The following NSUN4 variants were observed in gnomAD, a reference collection of about 807,000 sequenced individuals.
NSUN4 encodes the protein NOP2/Sun RNA methyltransferase 4, also known as 5-cytosine rRNA methyltransferase NSUN4.
A neutral mutation model predicts 43.8 loss-of-function variants in NSUN4; 31 were observed. That is an observed-to-expected ratio of 0.71 (90% CI 0.53 to 0.96). NSUN4 has a LOEUF of 0.96. Among genes scored for constraint, NSUN4 ranks in the 40% least tolerant of loss-of-function variants. NSUN4 has a pLI of 0.00. For synonymous variants in NSUN4, 167 were observed against 184.1 expected, an observed-to-expected ratio of 0.91 and a Z score of 0.75; for missense variants, 439 against 475.6, an observed-to-expected ratio of 0.92 and a Z score of 0.72.
At position 46,351,659 on chromosome 1, in the gene NSUN4, CTTTTTTTTT is replaced by C. The variant is rs1190689943; in HGVS notation, c.593-1194_593-1186del. Among the ~76,000 whole-genome samples the C allele has an allele frequency of 9.0e-5, 8 of 88,874 alleles. No individual in the cohort carries two copies. The South Asian group carries it at 3.4e-3, about 38-fold the overall frequency. The allele number at this position is 88,874 out of a possible 152,430, so 58.3% of individuals were successfully genotyped here. ...TGGGCAACATAGTGAGACCCAGTCT[CTTTTTTTTT>C]TTTTTTTTTTTTTTGAGATGGAGCC... On this transcript the variant is annotated intron_variant, in intron 3 of 5. Coordinates refer to ENST00000474844, the MANE Select transcript of NSUN4 (RefSeq NM_199044.4).
the NSUN4 span, among the ~76,000 whole-genome samples, chr1:46,374,624 TAATAA>T: frequency 0.22 from 32,939 of 151,490 alleles, 4,080 homozygotes; most frequent in Non-Finnish European, 0.29. Flanking sequence ...AAATTAAAAA[TAATAA>T]AATAAAATAA....
At chr1:46,369,406 A>G (rs370448054), downstream of NSUN4, among the ~76,000 whole-genome samples, 255 of 152,334 alleles carry the variant, frequency 1.7e-3, 11 homozygotes, top group South Asian at 0.051. Context: ...TGAACAGAGC[A>G]GAAAAAAGTC....
the NSUN4 span, among the ~76,000 whole-genome samples, chr1:46,379,017 A>G: frequency 6.6e-6 from 1 of 152,192 alleles, no homozygotes; most frequent in Non-Finnish European, 1.5e-5. Flanking sequence ...AAAGATTTAC[A>G]TGGGTAGGGA....
rs1662309316 is a variant in NSUN4 at position 46,344,060 on chromosome 1, C to T, written c.94-741C>T. ...TCCCAGCTGCAGCAACCAGGACCGA[C>T]TTGTGCACTCCTCATCTGAAGTCTT... On this transcript the variant is annotated intron_variant, in intron 1 of 5. Transcript: ENST00000474844. The T allele has an allele frequency of 1.8e-5, 6 of 325,780 alleles. 1 individual carries two copies. In the Admixed American group the frequency reaches 2.9e-4, roughly 16 times the overall value. 20.2% of individuals were successfully genotyped at this position (325,780 alleles called of 1,614,324 possible). A position where few individuals can be genotyped will look rare whatever the true frequency, so the allele number is the denominator to read the frequency against.
the NSUN4 span, among the ~76,000 whole-genome samples, chr1:46,372,860 C>T: frequency 2.0e-5 from 3 of 152,186 alleles, no homozygotes; most frequent in African/African-American, 7.2e-5. Flanking sequence ...GTAGCTGGGA[C>T]TTCAGGCACG....
chr1:46,366,897 T>G (rs954873687), downstream of NSUN4, among the ~76,000 whole-genome samples: 3 of 152,168 alleles, frequency 2.0e-5, no homozygotes, highest in African/African-American at 7.2e-5. Context: ...GGGTCAGGTA[T>G]TGGGGCAGTT....
chr1:46,369,545 T>TA (rs1268055691), downstream of NSUN4, among the ~76,000 whole-genome samples: 1 of 152,146 alleles, frequency 6.6e-6, no homozygotes, highest in African/African-American at 2.4e-5. Context: ...GTAAAGTGCA[T>TA]ATACCTGAGG....
At chr1:46,366,394 C>G (rs1215035393), downstream of NSUN4, among the ~76,000 whole-genome samples, 1 of 152,018 alleles carries the variant, frequency 6.6e-6, no homozygotes, top group Non-Finnish European at 1.5e-5. Flanking sequence ...ATTGTTAAGG[C>G]TCTAGCTTTT....
intron 4 of NSUN4, among the ~76,000 whole-genome samples, chr1:46,356,535 A>G (rs956389296): frequency 6.6e-6 from 1 of 152,162 alleles, no homozygotes; most frequent in Non-Finnish European, 1.5e-5. Context: ...TACTAAAAAT[A>G]CAAAAAATTA....
At chr1:46,360,616 C>A in intron 4 of NSUN4, 88 bp from the exon 5 acceptor site, 1 of 1,412,028 alleles carries the variant, frequency 7.1e-7, no homozygotes, top group Non-Finnish European at 9.7e-7. Flanking sequence ...ATTTCACAAA[C>A]TTAGGCCAGG....
rs748620478 is a variant in NSUN4, at chr1:46,361,894, A to G, written c.*48A>G. 2.0e-6 allele frequency: 3 copies of G among 1,530,908 alleles called. No homozygotes were observed. The highest frequency in any genetic ancestry group is 2.7e-6 in the Non-Finnish European group (3 of 1,128,468). 94.8% of individuals were successfully genotyped at this position (1,530,908 alleles called of 1,614,324 possible). On this transcript the variant is annotated 3_prime_UTR_variant, in exon 6 of 6. Transcript: ENST00000474844. ...GAATACAAAGGGTATACTCTGTTGG[A>G]TGCACCAGAAACTGGAAACTGGGAC...
downstream of NSUN4, among the ~76,000 whole-genome samples, chr1:46,367,054 G>A (rs556040040): frequency 2.6e-5 from 4 of 152,112 alleles, no homozygotes; most frequent in South Asian, 6.2e-4. Context: ...AATTTCAGGG[G>A]CTTTGGTACT....
chr1:46,381,089 T>C, the NSUN4 span, among the ~76,000 whole-genome samples: 1 of 152,050 alleles, frequency 6.6e-6, no homozygotes, highest in Non-Finnish European at 1.5e-5. Flanking sequence ...TCTAAAACAC[T>C]TGCTCTGAAT....
intron 5 of NSUN4, 148 bp from the exon 6 acceptor site, chr1:46,361,422 G>C (rs1424981468): frequency 2.9e-6 from 2 of 679,388 alleles, no homozygotes; most frequent in East Asian, 2.7e-5. Context: ...TTTTCAGACA[G>C]TGTCATTGTG....
At position 46,361,986 on chromosome 1, in the gene NSUN4, TAAG is replaced by T. The variant is rs1387456463; in HGVS notation, c.*144_*146del. ...CGTGTCTTTCTGCAGTTTTCGGCAA[TAAG>T]AAGTAGAAGATTTGCTGTCCTGCTG... is the stretch of plus-strand genomic sequence containing the variant. On this transcript the variant is annotated 3_prime_UTR_variant, in exon 6 of 6. Transcript: ENST00000474844. 1 of 779,084 alleles carries T rather than the reference TAAG, an allele frequency of 1.3e-6. No homozygotes were observed. The highest frequency in any genetic ancestry group is 2.8e-5 in the Admixed American group (1 of 35,196). The allele number at this position is 779,084 out of a possible 1,614,324, so 48.3% of individuals were successfully genotyped here. A position where few individuals can be genotyped will look rare whatever the true frequency, so the allele number is the denominator to read the frequency against.
intron 2 of NSUN4, among the ~76,000 whole-genome samples, chr1:46,346,354 A>G (rs1452573931): frequency 6.6e-6 from 1 of 151,620 alleles, no homozygotes; most frequent in Non-Finnish European, 1.5e-5. Flanking sequence ...GTTCAAGACC[A>G]GCCTGGCCAA....
chr1:46,379,766 C>T, the NSUN4 span, among the ~76,000 whole-genome samples: 1 of 152,174 alleles, frequency 6.6e-6, no homozygotes, highest in African/African-American at 2.4e-5. Flanking sequence ...GGAAGGCTTG[C>T]TCATTGCTTT....
At chr1:46,361,495 T>C in intron 5 of NSUN4, 75 bp from the exon 6 acceptor site, 2 of 1,392,696 alleles carry the variant, frequency 1.4e-6, no homozygotes, top group Non-Finnish European at 2.0e-6. Context: ...CTTATCCATG[T>C]TTCCAGCTCC....
At chr1:46,341,557 G>C (rs528141891) in intron 1 of NSUN4, 49 of 1,148,388 alleles carry the variant, frequency 4.3e-5, no homozygotes, top group Non-Finnish European at 1.1e-6. Context: ...CCTTTTTCTT[G>C]CCTCACTGGA....
Sources: gnomAD v4.1 joint callset for allele counts (sites outside exome capture counted in the v4.1 genomes callset) on GRCh38, gnomAD v4.1.1 for gene constraint, MANE v1.5 for transcripts, NCBI Gene and HGNC (gene_info 2026-07-23, HGNC 2026-07-21) for gene names.